HDAC9: variants seen among roughly 807,000 people sequenced by gnomAD.
HDAC9 encodes MEF-2 interacting transcription repressor (MITR) protein.
HDAC9 carries 41 observed loss-of-function variants against 139.4 expected under a neutral mutation model. That is an observed-to-expected ratio of 0.29 (90% CI 0.23 to 0.38). The LOEUF (loss-of-function observed/expected upper bound fraction) is 0.38. HDAC9 is among the 10% of genes least tolerant of loss of function. HDAC9 has a pLI of 1.00. For missense variants in HDAC9, 1,147 were observed against 1,297.0 expected, an observed-to-expected ratio of 0.88 and a Z score of 1.78; for synonymous variants, 517 against 476.2, an observed-to-expected ratio of 1.09 and a Z score of -1.12.
intron 12 of HDAC9, among the ~76,000 whole-genome samples, chr7:18,698,594 G>T (rs768038469): frequency 6.6e-6 from 1 of 152,134 alleles, no homozygotes; most frequent in Admixed American, 6.6e-5. Context: ...GGTATCAAAG[G>T]CCTGTGTCAT....
At chr7:18,602,503 T>C (rs1583953155) in intron 6 of HDAC9, among the ~76,000 whole-genome samples, 1 of 151,842 alleles carries the variant, frequency 6.6e-6, no homozygotes, top group Non-Finnish European at 1.5e-5. Context: ...TAAGCTTAGA[T>C]TGTTATTTTT....
chr7:18,258,107 A>T (rs1795402349), intron 2 of HDAC9, among the ~76,000 whole-genome samples: 1 of 152,292 alleles, frequency 6.6e-6, no homozygotes, highest in South Asian at 2.1e-4. Context: ...AACTGAGTTT[A>T]GATAAACATT....
Position 18,936,092 on chromosome 7 carries a change from T to C in HDAC9, c.2937+150T>C, listed in dbSNP as rs574751216. On this transcript the variant is annotated intron_variant, in intron 23 of 25. Coordinates refer to ENST00000686413, the MANE Select transcript of HDAC9 (RefSeq NM_178425.4). ...AAGGTAAGCCTTAGATAAGTTTACA[T>C]GTTCTCGTATACTACAATGTTATCC... is the stretch of plus-strand genomic sequence containing the variant. The C allele has an allele frequency of 1.4e-4, 98 of 713,522 alleles. No individual in the cohort carries two copies. The African/African-American group carries it at 1.6e-3, about 12-fold the overall frequency. 44.2% of individuals were successfully genotyped at this position (713,522 alleles called of 1,614,324 possible).
intron 1 of HDAC9, among the ~76,000 whole-genome samples, chr7:18,142,768 A>G (rs1403993072): frequency 6.6e-6 from 1 of 152,212 alleles, no homozygotes; most frequent in African/African-American, 2.4e-5. Flanking sequence ...GAACAGCTCC[A>G]TCATCCATCC....
At chr7:18,968,958 C>CAAAAAAAAAAAAA (rs34379636) in intron 24 of HDAC9, among the ~76,000 whole-genome samples, 28 of 45,186 alleles carry the variant, frequency 6.2e-4, no homozygotes, top group African/African-American at 1.2e-3. Context: ...GCCTCCCTCT[C>CAAAAAAAAAAAAA]AAAAAAAAAA....
chr7:18,770,364 A>C (rs1457344580), intron 16 of HDAC9, among the ~76,000 whole-genome samples: 1 of 152,154 alleles, frequency 6.6e-6, no homozygotes, highest in Non-Finnish European at 1.5e-5. Context: ...GGTGTAGTAA[A>C]ATAGATAATT....
intron 2 of HDAC9, among the ~76,000 whole-genome samples, chr7:18,216,249 AT>A (rs1288613913): frequency 6.6e-6 from 1 of 152,068 alleles, no homozygotes; most frequent in Non-Finnish European, 1.5e-5. Flanking sequence ...AACTGTTCTT[AT>A]TGGCATATTT....
chr7:18,664,776 A>G (rs1794312780), intron 11 of HDAC9, among the ~76,000 whole-genome samples: 1 of 152,036 alleles, frequency 6.6e-6, no homozygotes, highest in Non-Finnish European at 1.5e-5. Context: ...CTCTTATAAC[A>G]CCTTGTGTTT....
chr7:18,733,558 G>A (rs960956749), intron 13 of HDAC9, among the ~76,000 whole-genome samples: 1 of 151,304 alleles, frequency 6.6e-6, no homozygotes. Flanking sequence ...TCTTTATTTA[G>A]GAGATTAATT....
chr7:18,285,168 G>A lies in HDAC9; in HGVS notation c.25+122819G>A, dbSNP rs189813481. Among the ~76,000 whole-genome samples the A allele has an allele frequency of 4.6e-5, 7 of 152,116 alleles. No homozygotes were observed. The East Asian group carries it at 1.4e-3, about 29-fold the overall frequency. On this transcript the variant is annotated intron_variant, in intron 2 of 12. Coordinates refer to the HDAC9 transcript ENST00000417496. ...GATAAAATTTGGGGGAAATTGTGAG[G>A]GTGTGAATGGCAAGTGTATGTTTGG...
chr7:18,165,615 T>C (rs1412930486), intron 2 of HDAC9, among the ~76,000 whole-genome samples: 1 of 151,884 alleles, frequency 6.6e-6, no homozygotes, highest in East Asian at 1.9e-4. Flanking sequence ...GGTGAGATCC[T>C]ATCTCTACAA....
At chr7:18,936,609 C>A (rs1781653221) in intron 23 of HDAC9, among the ~76,000 whole-genome samples, 1 of 152,180 alleles carries the variant, frequency 6.6e-6, no homozygotes, top group African/African-American at 2.4e-5. Context: ...CAATTAGTTG[C>A]AATTCAGCAA....
At chr7:18,684,115 A>C (rs1201716481) in intron 12 of HDAC9, among the ~76,000 whole-genome samples, 1 of 151,394 alleles carries the variant, frequency 6.6e-6, no homozygotes, top group Non-Finnish European at 1.5e-5. Flanking sequence ...AGAATAAGCC[A>C]TGTGTGATGG....
At chr7:18,725,759 C>G (rs1009893961) in intron 12 of HDAC9, among the ~76,000 whole-genome samples, 12 of 152,132 alleles carry the variant, frequency 7.9e-5, no homozygotes, top group African/African-American at 2.7e-4. Flanking sequence ...TTTGTGTTCC[C>G]TGTAACAGTG....
At chr7:18,496,465 G>C in intron 2 of HDAC9, 141 bp downstream of exon 2, 1 of 683,812 alleles carries the variant, frequency 1.5e-6, no homozygotes, top group South Asian at 1.9e-5. Context: ...CGTCTGTAGG[G>C]TTTAACTTAG....
intron 22 of HDAC9, among the ~76,000 whole-genome samples, chr7:18,920,129 G>C (rs1365062444): frequency 6.6e-6 from 1 of 152,138 alleles, no homozygotes; most frequent in African/African-American, 2.4e-5. Flanking sequence ...CTGCCCATTA[G>C]CATGGAATGT....
intron 2 of HDAC9, among the ~76,000 whole-genome samples, chr7:18,498,200 C>G (rs938491770): frequency 4.6e-5 from 7 of 151,946 alleles, no homozygotes; most frequent in African/African-American, 1.7e-4. Flanking sequence ...ACAATTACAC[C>G]CTTCCTGCCA....
chr7:18,221,291 G>T (rs1792686230), intron 2 of HDAC9, among the ~76,000 whole-genome samples: 1 of 152,066 alleles, frequency 6.6e-6, no homozygotes, highest in Non-Finnish European at 1.5e-5. Flanking sequence ...TTTTAGTAGA[G>T]ATGGGGTTTT....
chr7:18,103,271 G>A (rs192670759), intron 1 of HDAC9, among the ~76,000 whole-genome samples: 2 of 152,096 alleles, frequency 1.3e-5, no homozygotes, highest in South Asian at 2.1e-4. Context: ...TACAATTCAG[G>A]GTGAGATTTG....
Sources: allele counts gnomAD v4.1 joint callset (sites outside exome capture counted in the v4.1 genomes callset), GRCh38; gene constraint gnomAD v4.1.1; transcripts MANE v1.5; gene names NCBI Gene and HGNC (gene_info 2026-07-23, HGNC 2026-07-21).